The following DISC1 variants were observed in gnomAD, a reference collection of about 807,000 sequenced individuals.
DISC1 encodes the protein disrupted in schizophrenia 1 protein.
In DISC1, 57 loss-of-function variants were observed where a neutral mutation model predicts 84.5. The observed-to-expected ratio is 0.67, with a 90% CI of 0.55 to 0.84. The LOEUF (loss-of-function observed/expected upper bound fraction) is 0.84. Among genes scored for constraint, DISC1 ranks in the 40% least tolerant of loss-of-function variants. The pLI is 0.00. For missense variants in DISC1, 1,000 were observed against 1,057.8 expected (o/e 0.95, Z 0.76); for synonymous variants, 411 against 415.2 (o/e 0.99, Z 0.12).
chr1:232,004,067 A>G (rs879295014), intron 10 of DISC1, among the ~76,000 whole-genome samples: 10 of 151,776 alleles, frequency 6.6e-5, no homozygotes, highest in Non-Finnish European at 1.0e-4. Flanking sequence ...TGGTTAAAAT[A>G]TTACTCAGAC....
intron 1 of DISC1, among the ~76,000 whole-genome samples, chr1:231,657,305 A>G (rs2061183773): frequency 6.6e-6 from 1 of 152,114 alleles, no homozygotes; most frequent in African/African-American, 2.4e-5. Flanking sequence ...TTGTTTTTTG[A>G]CATCTTAGTA....
At chr1:231,743,433 C>T (rs1311435936) in intron 3 of DISC1, among the ~76,000 whole-genome samples, 1 of 152,112 alleles carries the variant, frequency 6.6e-6, no homozygotes, top group Non-Finnish European at 1.5e-5. Context: ...TTCTCCTAAC[C>T]CCTATGGAAC....
At chr1:231,827,349 A>G (rs1338069638) in intron 9 of DISC1, among the ~76,000 whole-genome samples, 2 of 152,230 alleles carry the variant, frequency 1.3e-5, no homozygotes, top group Middle Eastern at 3.2e-3. Flanking sequence ...TTGATTCTTT[A>G]TAAACCAAAT....
intron 6 of DISC1, among the ~76,000 whole-genome samples, chr1:231,774,258 A>G (rs937979470): frequency 2.7e-5 from 4 of 149,392 alleles, no homozygotes; most frequent in Non-Finnish European, 6.0e-5. Context: ...TGACTCAAAG[A>G]AAAAAAAAAG....
intron 9 of DISC1, among the ~76,000 whole-genome samples, chr1:231,847,078 T>A (rs946972952): frequency 1.3e-5 from 2 of 152,210 alleles, no homozygotes; most frequent in Non-Finnish European, 2.9e-5. Flanking sequence ...ACTGAGTGGC[T>A]TGGACAACAG....
intron 6 of DISC1, among the ~76,000 whole-genome samples, chr1:231,777,002 G>A (rs185710291): frequency 1.1e-3 from 175 of 152,280 alleles, no homozygotes; most frequent in Admixed American, 4.8e-3. Context: ...CAGCATATCA[G>A]CAGTCTCCAA....
At chr1:231,850,501 A>G (rs2083816726) in intron 9 of DISC1, among the ~76,000 whole-genome samples, 1 of 152,262 alleles carries the variant, frequency 6.6e-6, no homozygotes, top group Non-Finnish European at 1.5e-5. Flanking sequence ...CGGAGCACAA[A>G]GTAGAACCTG....
At chr1:231,778,557 A>G (rs1325739697) in intron 6 of DISC1, among the ~76,000 whole-genome samples, 1 of 152,158 alleles carries the variant, frequency 6.6e-6, no homozygotes. Flanking sequence ...CTTTCCAAGC[A>G]CTGCTGCTGC....
intron 10 of DISC1, among the ~76,000 whole-genome samples, chr1:231,970,724 C>T (rs1184511244): frequency 6.6e-6 from 1 of 152,208 alleles, no homozygotes; most frequent in Non-Finnish European, 1.5e-5. Flanking sequence ...GTTCATTAAA[C>T]AGGTTCCACT....
At chr1:231,631,609 T>A (rs904262852) in intron 1 of DISC1, among the ~76,000 whole-genome samples, 2 of 152,064 alleles carry the variant, frequency 1.3e-5, no homozygotes, top group Admixed American at 1.3e-4. Context: ...TAACAAAAAG[T>A]TTGAAAAGTA....
intron 3 of DISC1, among the ~76,000 whole-genome samples, chr1:231,735,839 G>T (rs746721848): frequency 7.9e-5 from 12 of 152,078 alleles, no homozygotes; most frequent in Admixed American, 2.0e-4. Context: ...TTGAGTCGGG[G>T]TCTGGCTCTG....
intron 8 of DISC1, among the ~76,000 whole-genome samples, chr1:231,810,792 C>G (rs927654223): frequency 1.3e-5 from 2 of 152,128 alleles, no homozygotes; most frequent in Non-Finnish European, 2.9e-5. Context: ...ATTAGGGAAG[C>G]CATCAGTTAT....
At chr1:231,998,398 A>G (rs1572560222) in intron 10 of DISC1, among the ~76,000 whole-genome samples, 1 of 152,194 alleles carries the variant, frequency 6.6e-6, no homozygotes, top group Non-Finnish European at 1.5e-5. Context: ...CTTCCGACCA[A>G]TGGGCTTAGT....
Position 231,658,335 on chromosome 1 carries a change from C to T in DISC1, c.67+31401C>T, listed in dbSNP as rs140691414. ...CAATTTTTGCACATTGATTTTGTAT[C>T]CTGAGACTGCTGAAGTTGCTTATCA... On this transcript the variant is annotated intron_variant, in intron 1 of 12. Transcript: ENST00000439617. Among the ~76,000 whole-genome samples, 301 of 152,226 alleles carry T rather than the reference C, an allele frequency of 2.0e-3. 3 individuals are homozygous for T. The highest frequency in any genetic ancestry group is 3.7e-3 in the South Asian group (18 of 4,820).
intron 12 of DISC1, among the ~76,000 whole-genome samples, chr1:232,027,793 CTGTGTG>C (rs35448234): frequency 3.6e-4 from 52 of 143,422 alleles, no homozygotes; most frequent in South Asian, 1.8e-3. Context: ...ACTTTATGGG[CTGTGTG>C]TGTGTGTGTG....
intron 10 of DISC1, among the ~76,000 whole-genome samples, chr1:231,966,518 G>A (rs821597): frequency 0.48 from 73,060 of 152,142 alleles, 20,358 homozygotes; most frequent in African/African-American, 0.79. Context: ...TGTACAGGAG[G>A]AATTCATTAT....
chr1:231,976,171 C>T (rs927243938), intron 10 of DISC1, among the ~76,000 whole-genome samples: 14 of 152,126 alleles, frequency 9.2e-5, no homozygotes, highest in African/African-American at 3.4e-4. Context: ...GCAAAGTGTT[C>T]ATTAATGGGT....
intron 3 of DISC1, among the ~76,000 whole-genome samples, chr1:231,731,004 G>GT (rs770974574): frequency 6.6e-6 from 1 of 152,040 alleles, no homozygotes; most frequent in Non-Finnish European, 1.5e-5. Flanking sequence ...AAAAATCACA[G>GT]TTTTTTGTGT....
chr1:231,853,996 A>G (rs200454805), intron 9 of DISC1, among the ~76,000 whole-genome samples: 9 of 152,230 alleles, frequency 5.9e-5, no homozygotes, highest in Non-Finnish European at 1.2e-4. Context: ...GAGTGTAGCA[A>G]TCTCCTAGAC....
Sources: allele counts gnomAD v4.1 joint callset (sites outside exome capture counted in the v4.1 genomes callset), GRCh38; gene constraint gnomAD v4.1.1; transcripts MANE v1.5; gene names NCBI Gene and HGNC (gene_info 2026-07-23, HGNC 2026-07-21).